Variants in MAPKAPK5 observed in about 807,000 individuals in gnomAD.
MAPKAPK5 encodes MAP kinase-activated protein kinase 5.
In MAPKAPK5, 30 loss-of-function variants were observed where a neutral mutation model predicts 65.1. The observed-to-expected ratio is 0.46, with a 90% CI of 0.34 to 0.63. MAPKAPK5 has a LOEUF of 0.63. Ranked by LOEUF, MAPKAPK5 falls within the 20% of genes least tolerant of loss-of-function variation. The probability of loss-of-function intolerance (pLI) is 0.01; values close to 1 mark genes in which losing one functional copy is unlikely to be tolerated. For missense variants in MAPKAPK5, 433 were observed against 581.4 expected, an observed-to-expected ratio of 0.74 and a Z score of 2.63; for synonymous variants, 179 against 204.6, an observed-to-expected ratio of 0.87 and a Z score of 1.07.
In MAPKAPK5 at chr12:111,894,209, A is replaced by G. The variant is rs2070721176; in HGVS notation, c.*1148A>G. The G allele has an allele frequency of 6.6e-6, 1 of 151,350 alleles. No individual in the cohort carries two copies. The highest frequency in any genetic ancestry group is 1.5e-5 in the Non-Finnish European group (1 of 67,974). 9.4% of individuals were successfully genotyped at this position (151,350 alleles called of 1,614,324 possible). ...AGGCACCCGCCACCATGCCCGGCTA[A>G]TTTTTGTATTTTTAGTAGAGACAGG... On this transcript the variant is annotated 3_prime_UTR_variant, in exon 14 of 14. Coordinates refer to ENST00000550735, the MANE Select transcript of MAPKAPK5 (RefSeq NM_003668.4).
intron 6 of MAPKAPK5, among the ~76,000 whole-genome samples, chr12:111,870,656 C>T (rs114483941): frequency 9.8e-4 from 149 of 152,236 alleles, no homozygotes; most frequent in African/African-American, 3.3e-3. Flanking sequence ...TATATTATCT[C>T]GTTTCATTTG....
Position 111,888,519 on chromosome 12 carries a change from CG to C in MAPKAPK5, c.1003del (p.Glu335AsnfsTer6). On this transcript the variant is annotated frameshift_variant, in exon 11 of 14. Coordinates refer to ENST00000550735, the MANE Select transcript of MAPKAPK5 (RefSeq NM_003668.4). LOFTEE classifies it high-confidence loss of function. ...GTTGCAGGAATCCAGCAGGCTCACG[CG>C]GAACAGTTGGCCAACATGAGAATCC... ...AVVAGIQQAH[A>X]EQLANMRIQD... The C allele has an allele frequency of 2.5e-6, 4 of 1,613,964 alleles. No homozygotes were observed. Among genetic ancestry groups the C allele is most frequent in the South Asian group, 1.1e-5 (1 of 91,092 alleles).
chr12:111,893,276 G>T lies in MAPKAPK5; in HGVS notation c.*215G>T. ...CATACTATTACTTTAGGACTGTGTA[G>T]TTGTATATTTGTAAGATGACAGATG... On this transcript the variant is annotated 3_prime_UTR_variant, in exon 14 of 14. Transcript: ENST00000550735. 4.1e-6 allele frequency: 1 copy of T among 242,404 alleles called. No homozygotes were observed. The allele number at this position is 242,404 out of a possible 1,614,324, so 15.0% of individuals were successfully genotyped here.
intron 1 of MAPKAPK5, among the ~76,000 whole-genome samples, chr12:111,864,477 G>A (rs1321874375): frequency 6.6e-6 from 1 of 152,112 alleles, no homozygotes; most frequent in Non-Finnish European, 1.5e-5. Context: ...TGGGATTACA[G>A]GTGTGAGCCC....
intron 1 of MAPKAPK5, among the ~76,000 whole-genome samples, chr12:111,855,840 C>G (rs539446790): frequency 6.7e-6 from 1 of 149,484 alleles, no homozygotes; most frequent in Non-Finnish European, 1.5e-5. Flanking sequence ...AAAAAAAATG[C>G]GTTGTTTAAT....
rs759947497 is a variant in MAPKAPK5 at position 111,890,072 on chromosome 12, A to G, written c.1249A>G (p.Met417Val). Residue 417 changes from methionine to valine, a missense_variant, in exon 13 of 14, where the codon ATG becomes GTG. Met to Val is a conservative substitution (Grantham distance 21, BLOSUM62 1). Coordinates refer to ENST00000550735, the MANE Select transcript of MAPKAPK5 (RefSeq NM_003668.4). ...TGAAGATGAGAAACTGAATGAAGTA[A>G]TGCAGGAGGCTTGGAAGTATAACCG... is the stretch of plus-strand genomic sequence containing the variant. ...ENEDEKLNEV[M>V]QEAWKYNREC... is the part of the protein sequence containing the mutation. 1.9e-6 allele frequency: 3 copies of G among 1,598,276 alleles called. No homozygotes were observed. In the Admixed American group the frequency reaches 5.2e-5, roughly 28 times the overall value.
rs1033997029 is a variant in MAPKAPK5 at position 111,893,129 on chromosome 12, T to C, written c.*68T>C. The C allele has an allele frequency of 1.9e-5, 21 of 1,117,364 alleles. No individual in the cohort carries two copies. The highest frequency in any genetic ancestry group is 2.3e-4 in the Middle Eastern group (1 of 4,322). The allele number at this position is 1,117,364 out of a possible 1,614,324, so 69.2% of individuals were successfully genotyped here. A position where few individuals can be genotyped will look rare whatever the true frequency, so the allele number is the denominator to read the frequency against. On this transcript the variant is annotated 3_prime_UTR_variant, in exon 14 of 14. Coordinates refer to ENST00000550735, the MANE Select transcript of MAPKAPK5 (RefSeq NM_003668.4). The stretch of plus-strand genomic sequence containing the variant: ...TTCTTTAATGTATAAAGTAATTTTA[T>C]GTAAATTAATAAATCATAATTTCAT...
At chr12:111,878,897 C>G (rs1315198650) in intron 7 of MAPKAPK5, among the ~76,000 whole-genome samples, 2 of 152,126 alleles carry the variant, frequency 1.3e-5, no homozygotes, top group Non-Finnish European at 1.5e-5. Flanking sequence ...ACCCCAATAC[C>G]ACACTGTCTT....
intron 1 of MAPKAPK5, among the ~76,000 whole-genome samples, chr12:111,852,119 G>A (rs561455585): frequency 1.6e-4 from 24 of 152,300 alleles, no homozygotes; most frequent in African/African-American, 5.8e-4. Context: ...TATGGAATAT[G>A]GAATGGAACC....
chr12:111,848,453 G>A (rs566576544), intron 1 of MAPKAPK5, among the ~76,000 whole-genome samples: 1 of 137,652 alleles, frequency 7.3e-6, no homozygotes, highest in Non-Finnish European at 1.5e-5. Context: ...TTGCTCAGTC[G>A]CCCAGGCTGG....
chr12:111,878,670 C>T (rs753478185), intron 7 of MAPKAPK5, among the ~76,000 whole-genome samples: 10 of 152,058 alleles, frequency 6.6e-5, no homozygotes, highest in Non-Finnish European at 1.5e-4. Context: ...CCTCCTGCCT[C>T]GGCCTCCCAA....
intron 11 of MAPKAPK5, 42 bp from the exon 12 acceptor site, chr12:111,888,843 G>C (rs752210590): frequency 1.2e-6 from 2 of 1,603,876 alleles, no homozygotes; most frequent in South Asian, 1.1e-5. Flanking sequence ...GTTGGTTTTT[G>C]GGGTCTCACG....
intron 10 of MAPKAPK5, among the ~76,000 whole-genome samples, chr12:111,886,845 A>G (rs1323834854): frequency 6.6e-6 from 1 of 152,220 alleles, no homozygotes; most frequent in Non-Finnish European, 1.5e-5. Context: ...TTGCCAGCCT[A>G]ATACTTCTGC....
chr12:111,887,193 CT>C (rs1383197609), intron 10 of MAPKAPK5, among the ~76,000 whole-genome samples: 2 of 152,150 alleles, frequency 1.3e-5, no homozygotes, highest in Non-Finnish European at 2.9e-5. Context: ...TGTTAGACGT[CT>C]CTTTCTAAGT....
chr12:111,891,637 C>CAAAAAAAAA (rs78504500), intron 13 of MAPKAPK5, among the ~76,000 whole-genome samples: 17 of 86,180 alleles, frequency 2.0e-4, no homozygotes, highest in Admixed American at 2.5e-4. Flanking sequence ...ACTAAAAATA[C>CAAAAAAAAA]AAAAAAAAAA....
At position 111,870,351 on chromosome 12, in the gene MAPKAPK5, T is replaced by C; in HGVS notation, c.474T>C (p.Asp158=). 1 of 1,609,858 alleles carries C rather than the reference T, an allele frequency of 6.2e-7. No homozygotes were observed. The highest frequency in any genetic ancestry group is 8.5e-7 in the Non-Finnish European group (1 of 1,176,514). Residue 158 remains aspartate, a synonymous_variant, in exon 6 of 14, where the codon GAT becomes GAC. Coordinates refer to ENST00000550735, the MANE Select transcript of MAPKAPK5 (RefSeq NM_003668.4). The stretch of plus-strand genomic sequence containing the variant: ...AGCCTGAAAATCTGCTTTTTAAGGA[T>C]AACTCTTTGGTGAGAAGACTGTTTT... ...DLKPENLLFK[D]NSLDAPVKLC... is the part of the protein sequence containing the mutation.
intron 8 of MAPKAPK5, 37 bp downstream of exon 8, chr12:111,880,564 C>T (rs1425229031): frequency 6.3e-7 from 1 of 1,574,932 alleles, no homozygotes; most frequent in Non-Finnish European, 8.7e-7. Context: ...TTGACAGATG[C>T]AGCCCCTCTC....
At chr12:111,892,373 CAA>C (rs926792848) in intron 13 of MAPKAPK5, among the ~76,000 whole-genome samples, 8 of 152,146 alleles carry the variant, frequency 5.3e-5, no homozygotes, top group Non-Finnish European at 1.0e-4. Flanking sequence ...ACCAGTTTTT[CAA>C]AGTGAATTTA....
chr12:111,886,313 C>A (rs751995938), intron 10 of MAPKAPK5, among the ~76,000 whole-genome samples: 1 of 152,156 alleles, frequency 6.6e-6, no homozygotes, highest in African/African-American at 2.4e-5. Flanking sequence ...TTTAAGATAC[C>A]CTCCCTTTCC....
Sources: gnomAD v4.1 joint callset for allele counts (sites outside exome capture counted in the v4.1 genomes callset) on GRCh38, gnomAD v4.1.1 for gene constraint, MANE v1.5 for transcripts, NCBI Gene and HGNC (gene_info 2026-07-23, HGNC 2026-07-21) for gene names.